IL1RAPL1: variants seen among roughly 807,000 people sequenced by gnomAD.
IL1RAPL1 encodes the protein interleukin-1 receptor accessory protein-like 1.
In IL1RAPL1, 3 loss-of-function variants were observed where a neutral mutation model predicts 48.4. The observed-to-expected ratio is 0.06, with a 90% CI of 0.03 to 0.16. The LOEUF (loss-of-function observed/expected upper bound fraction) is 0.16. Ranked by LOEUF, IL1RAPL1 falls within the 10% of genes least tolerant of loss-of-function variation. IL1RAPL1 has a pLI of 1.00. For missense variants in IL1RAPL1, 349 were observed against 530.6 expected, an observed-to-expected ratio of 0.66 and a Z score of 3.36; for synonymous variants, 185 against 187.7, an observed-to-expected ratio of 0.99 and a Z score of 0.12.
chrX:29,685,375 C>A (rs1307978156), intron 6 of IL1RAPL1, among the ~76,000 whole-genome samples: 1 of 109,969 alleles, frequency 9.1e-6, no homozygotes, highest in African/African-American at 3.3e-5. Context: ...TGGTGGTGGG[C>A]ACCTGTAATC....
intron 2 of IL1RAPL1, among the ~76,000 whole-genome samples, chrX:29,100,667 G>A (rs1444520055): frequency 8.9e-6 from 1 of 111,769 alleles, no homozygotes; most frequent in East Asian, 2.8e-4. Context: ...TTCGGGTTCT[G>A]ATCTGGGCTT....
intron 6 of IL1RAPL1, among the ~76,000 whole-genome samples, chrX:29,786,509 G>A (rs1484118940): frequency 8.9e-6 from 1 of 111,858 alleles, no homozygotes; most frequent in Non-Finnish European, 1.9e-5. Context: ...ACCATATGGT[G>A]TTTGCATTTT....
intron 6 of IL1RAPL1, among the ~76,000 whole-genome samples, chrX:29,770,359 A>G (rs1328181865): frequency 3.6e-5 from 4 of 111,979 alleles, no homozygotes; most frequent in African/African-American, 9.7e-5. Context: ...TTTTTTTAAT[A>G]ACTTGTTTTT....
chrX:28,981,077 T>C (rs769345357), intron 2 of IL1RAPL1, among the ~76,000 whole-genome samples: 1 of 64,491 alleles, frequency 1.6e-5, no homozygotes, highest in South Asian at 1.2e-3. Context: ...AGGGACAGAG[T>C]GAGACCCTGT....
intron 3 of IL1RAPL1, among the ~76,000 whole-genome samples, chrX:29,319,364 A>ATTTTTTTTTTT (rs762918998): frequency 2.6e-4 from 15 of 58,148 alleles, no homozygotes; most frequent in African/African-American, 6.6e-4. Context: ...GATAAATTTA[A>ATTTTTTTTTTT]TTTTTTTTTT....
chrX:29,017,157 G>A, intron 2 of IL1RAPL1, among the ~76,000 whole-genome samples: 1 of 111,873 alleles, frequency 8.9e-6, no homozygotes, highest in East Asian at 2.8e-4. Context: ...TGATGAAAAA[G>A]CTATAATATT....
intron 2 of IL1RAPL1, among the ~76,000 whole-genome samples, chrX:28,943,969 A>G (rs1047576829): frequency 4.5e-5 from 5 of 111,339 alleles, no homozygotes; most frequent in Admixed American, 2.9e-4. Flanking sequence ...CAGCTCATCT[A>G]TGAAATAAAA....
At chrX:28,729,112 A>C (rs1375256145) in intron 1 of IL1RAPL1, among the ~76,000 whole-genome samples, 1 of 111,953 alleles carries the variant, frequency 8.9e-6, no homozygotes, top group Non-Finnish European at 1.9e-5. Flanking sequence ...AATTTGTGCA[A>C]ATTTAAAATG....
intron 5 of IL1RAPL1, among the ~76,000 whole-genome samples, chrX:29,586,980 G>GTT (rs773808621): frequency 8.3e-5 from 9 of 108,610 alleles, no homozygotes; most frequent in African/African-American, 2.4e-4. Context: ...AATGGGAACA[G>GTT]TTTTTTTCTT....
chrX:29,347,892 G>A (rs1240770643), intron 3 of IL1RAPL1, among the ~76,000 whole-genome samples: 2 of 111,417 alleles, frequency 1.8e-5, no homozygotes, highest in Non-Finnish European at 3.8e-5. Context: ...GTGGCTAATG[G>A]GCAGGTAGCA....
intron 5 of IL1RAPL1, among the ~76,000 whole-genome samples, chrX:29,533,384 A>G (rs144153575): frequency 1.8e-5 from 2 of 112,184 alleles, no homozygotes; most frequent in East Asian, 5.6e-4. Flanking sequence ...TTTGTGACTG[A>G]TATTTTAGCA....
chrX:28,811,527 GTA>G (rs1936793503), intron 2 of IL1RAPL1, among the ~76,000 whole-genome samples: 1 of 110,782 alleles, frequency 9.0e-6, no homozygotes. Flanking sequence ...GAAATTAGGA[GTA>G]CAGATAGACC....
At chrX:29,908,094 A>T (rs1416376147) in intron 6 of IL1RAPL1, among the ~76,000 whole-genome samples, 3 of 110,869 alleles carry the variant, frequency 2.7e-5, no homozygotes, top group Non-Finnish European at 5.7e-5. Flanking sequence ...ATGTAGTTTA[A>T]AAAAAACCCC....
chrX:29,848,715 T>G (rs995368366), intron 6 of IL1RAPL1, among the ~76,000 whole-genome samples: 1 of 111,896 alleles, frequency 8.9e-6, no homozygotes. Context: ...TCAAGAGAGC[T>G]GAGCTCTGGT....
At chrX:29,678,660 G>A (rs1340641367) in intron 6 of IL1RAPL1, among the ~76,000 whole-genome samples, 1 of 109,384 alleles carries the variant, frequency 9.1e-6, no homozygotes, top group South Asian at 4.0e-4. Flanking sequence ...GAGCCACCGC[G>A]CCCGGCCAAC....
intron 1 of IL1RAPL1, among the ~76,000 whole-genome samples, chrX:28,633,045 C>T (rs1235569038): frequency 9.1e-6 from 1 of 109,843 alleles, no homozygotes; most frequent in African/African-American, 3.3e-5. Flanking sequence ...CCCGCCACCA[C>T]ACCTGGCTAA....
At chrX:29,520,303 A>G (rs997596218) in intron 5 of IL1RAPL1, among the ~76,000 whole-genome samples, 8 of 111,692 alleles carry the variant, frequency 7.2e-5, no homozygotes, top group African/African-American at 2.3e-4. Context: ...TGCTTCTGCT[A>G]TTTTGACTTT....
chrX:29,165,088 G>A (rs1929761376), intron 2 of IL1RAPL1, among the ~76,000 whole-genome samples: 1 of 112,150 alleles, frequency 8.9e-6, no homozygotes, highest in South Asian at 3.7e-4. Flanking sequence ...GGGGGCCGAG[G>A]CGGGTGGATC....
At chrX:29,104,174 G>T (rs1488594935) in intron 2 of IL1RAPL1, among the ~76,000 whole-genome samples, 1 of 112,142 alleles carries the variant, frequency 8.9e-6, no homozygotes, top group African/African-American at 3.2e-5. Flanking sequence ...CTGCACTCTC[G>T]TGTTTGATTA....
Sources: allele counts gnomAD v4.1 joint callset (sites outside exome capture counted in the v4.1 genomes callset), GRCh38; gene constraint gnomAD v4.1.1; transcripts MANE v1.5; gene names NCBI Gene and HGNC (gene_info 2026-07-23, HGNC 2026-07-21).